The following ANKLE1 variants were observed in gnomAD, a reference collection of about 807,000 sequenced individuals.
The protein encoded by ANKLE1 is ankyrin repeat and LEM domain containing 1.
ANKLE1 carries 59 observed loss-of-function variants against 56.2 expected under a neutral mutation model. The ratio of observed to expected loss-of-function variants is 1.05; its 90% CI spans 0.85 to 1.30. The LOEUF (loss-of-function observed/expected upper bound fraction) is 1.30. Among genes scored for constraint, ANKLE1 ranks in the 50% most tolerant of loss-of-function variants. The pLI is 0.00. For synonymous variants in ANKLE1, 341 were observed against 352.9 expected, an observed-to-expected ratio of 0.97 and a Z score of 0.38; for missense variants, 771 against 816.1, an observed-to-expected ratio of 0.94 and a Z score of 0.67.
intron 6 of ANKLE1, 51 bp from the exon 7 acceptor site, chr19:17,285,380 T>G (rs2074019639): frequency 1.9e-6 from 3 of 1,607,880 alleles, no homozygotes; most frequent in Non-Finnish European, 2.5e-6. Flanking sequence ...GGACTGCCTC[T>G]GGGGACCACT....
chr19:17,284,276 GC>G lies in ANKLE1; in HGVS notation c.1376+11del. 2 of 1,608,914 alleles carry G rather than the reference GC, an allele frequency of 1.2e-6. No individual in the cohort carries two copies. The highest frequency in any genetic ancestry group is 1.7e-6 in the Non-Finnish European group (2 of 1,176,888). On this transcript the variant is annotated intron_variant, in intron 6 of 8. Transcript: ENST00000404085. The stretch of plus-strand genomic sequence containing the variant: ...TGCTGCTGGACCCCAGGTACTCAGG[GC>G]AGGAAAGCCCCAGAAATAGAAACTA...
Position 17,286,629 on chromosome 19 carries a change from A to C in ANKLE1, c.*77A>C. On this transcript the variant is annotated 3_prime_UTR_variant, in exon 9 of 9. Transcript: ENST00000404085. ...CTGCCCCATGCTGACAGCAGCCCCCATCTCTGGTTTCAGAAGGGGTGTGTG... is the reference window on the plus strand; with the variant it reads ...CTGCCCCATGCTGACAGCAGCCCCCCTCTCTGGTTTCAGAAGGGGTGTGTG... 1 of 1,532,400 alleles carries C rather than the reference A, an allele frequency of 6.5e-7. No individual in the cohort carries two copies. Among genetic ancestry groups the C allele is most frequent in the Non-Finnish European group, 8.8e-7 (1 of 1,141,392 alleles). The allele number at this position is 1,532,400 out of a possible 1,614,324, so 94.9% of individuals were successfully genotyped here.
At chr19:17,284,903 G>A (rs1445153157) in intron 6 of ANKLE1, among the ~76,000 whole-genome samples, 1 of 151,766 alleles carries the variant, frequency 6.6e-6, no homozygotes, top group Non-Finnish European at 1.5e-5. Context: ...TGGCCAGGCT[G>A]GTCTTGAGCT....
In ANKLE1 at chr19:17,282,870, C is replaced by G. The variant is rs761885042; in HGVS notation, c.328C>G (p.Leu110Val). The change falls in exon 4 of 9, where the codon CTC becomes GTC. Residue 110 changes from leucine (L) to valine (V), a missense_variant. By Grantham distance (32) the Leu-to-Val change is conservative. Coordinates refer to ENST00000404085, the MANE Select transcript of ANKLE1 (RefSeq NM_152363.6). ...ADPALRDQDG[L>V]RPLDLALQQG... is the part of the protein sequence containing the mutation. Reference sequence around the variant, plus strand: ...GCTGACCGCGCCCCTGTAGGACGGACTCCGGCCGCTGGACCTGGCCCTGCA... The same window carrying G: ...GCTGACCGCGCCCCTGTAGGACGGAGTCCGGCCGCTGGACCTGGCCCTGCA... 1 of 1,585,056 alleles carries G rather than the reference C, an allele frequency of 6.3e-7. No homozygotes were observed. Among genetic ancestry groups the G allele is most frequent in the Non-Finnish European group, 8.5e-7 (1 of 1,171,958 alleles).
In ANKLE1 at chr19:17,282,167, G is replaced by A; in HGVS notation, c.173G>A (p.Cys58Tyr). Reference protein sequence around the residue: ...AGARHPRGLRCLGALLRQGGD... With the variant: ...AGARHPRGLRYLGALLRQGGD... Reference sequence around the variant, plus strand: ...GCCCGGCACCCGCGCGGCCTGCGTTGCCTCGGGGCCCTACTGCGCCAAGGC... The same window carrying A: ...GCCCGGCACCCGCGCGGCCTGCGTTACCTCGGGGCCCTACTGCGCCAAGGC... The change falls in exon 2 of 9, where the codon TGC becomes TAC. Residue 58 changes from cysteine (C) to tyrosine (Y), a missense_variant. Cys to Tyr is a radical substitution (Grantham distance 194, BLOSUM62 -2). Coordinates refer to ENST00000404085, the MANE Select transcript of ANKLE1 (RefSeq NM_152363.6). 1 of 1,534,232 alleles carries A rather than the reference G, an allele frequency of 6.5e-7. No individual in the cohort carries two copies. The highest frequency in any genetic ancestry group is 2.5e-5 in the East Asian group (1 of 40,742).
chr19:17,284,162 A>G lies in ANKLE1; in HGVS notation c.1272A>G (p.Ala424=). ...CGGGCTGTATTCCAGATGTCCAGGC[A>G]GATGAAGACGCGCTGGCCCAGCAGT... The part of the protein sequence containing the change: ...LRTGCIPDVQ[A]DEDALAQQFE... The change falls in exon 6 of 9, where the codon GCA becomes GCG. Residue 424 remains alanine, a synonymous_variant. Coordinates refer to ENST00000404085, the MANE Select transcript of ANKLE1 (RefSeq NM_152363.6). The G allele has an allele frequency of 6.2e-7, 1 of 1,613,900 alleles. No homozygotes were observed. The highest frequency in any genetic ancestry group is 8.5e-7 in the Non-Finnish European group (1 of 1,179,884).
At chr19:17,285,336 C>G in intron 6 of ANKLE1, 95 bp from the exon 7 acceptor site, 2 of 1,470,002 alleles carry the variant, frequency 1.4e-6, no homozygotes, top group South Asian at 2.4e-5. Flanking sequence ...TCAGGAGTCA[C>G]TAGACATGGG....
rs943540365 is a variant in ANKLE1 at position 17,282,889 on chromosome 19, C to T, written c.347C>T (p.Ala116Val). The change falls in exon 4 of 9, where the codon GCC becomes GTC. Residue 116 changes from alanine to valine, a missense_variant. Physicochemically the swap from Ala to Val is moderately conservative, Grantham distance 64 (BLOSUM62 0). Transcript: ENST00000404085. ...DQDGLRPLDL[A>V]LQQGHLECAR... is the part of the protein sequence containing the mutation. ...GACGGACTCCGGCCGCTGGACCTGG[C>T]CCTGCAGCAGGGACACCTGGAGTGC... is the stretch of plus-strand genomic sequence containing the variant. The T allele has an allele frequency of 3.2e-6, 5 of 1,579,592 alleles. No individual in the cohort carries two copies. The highest frequency in any genetic ancestry group is 3.4e-6 in the Non-Finnish European group (4 of 1,168,910).
rs769612263 is a variant in ANKLE1 at position 17,284,010 on chromosome 19, C to T, written c.1198+48C>T. ...GAGTCCAGGGAGCCTCCAGGAATCT[C>T]CCGGAGAACCCCAGCTCTCAGCCCC... On this transcript the variant is annotated intron_variant, in intron 5 of 8. Transcript: ENST00000404085. 7.5e-6 allele frequency: 12 copies of T among 1,593,948 alleles called. No homozygotes were observed. In the South Asian group the frequency reaches 1.4e-4, roughly 18 times the overall value.
At chr19:17,286,280 G>A in intron 8 of ANKLE1, 100 bp from the exon 9 acceptor site, 1 of 1,445,958 alleles carries the variant, frequency 6.9e-7, no homozygotes. Flanking sequence ...GGGATTACAG[G>A]CGTGAGCCAC....
Position 17,283,928 on chromosome 19 carries a change from C to T in ANKLE1, c.1164C>T (p.Tyr388=). The change falls in exon 5 of 9, where the codon TAC becomes TAT. Residue 388 remains tyrosine, a synonymous_variant. Coordinates refer to ENST00000404085, the MANE Select transcript of ANKLE1 (RefSeq NM_152363.6). ...TCACACCCTTCACCAGGCAGTTGTA[C>T]CACCAGCAGCTGGAAGAAGCCCAGA... ...HPITPFTRQL[Y]HQQLEEAQIA... 2 of 1,609,106 alleles carry T rather than the reference C, an allele frequency of 1.2e-6. No homozygotes were observed. Among genetic ancestry groups the T allele is most frequent in the South Asian group, 2.2e-5 (2 of 90,848 alleles).
At position 17,285,424 on chromosome 19, in the gene ANKLE1, C is replaced by A. The variant is rs1375700782; in HGVS notation, c.1377-7C>A. On this transcript the variant is annotated splice_polypyrimidine_tract_variant and splice_region_variant and intron_variant, in intron 6 of 8. Coordinates refer to ENST00000404085, the MANE Select transcript of ANKLE1 (RefSeq NM_152363.6). The stretch of plus-strand genomic sequence containing the variant: ...TTTTCCCTGTCTGAGCTATCCCCTT[C>A]ATCCAGGGAGACTCAGGACCTGCCA... The A allele has an allele frequency of 5.6e-6, 9 of 1,613,600 alleles. No homozygotes were observed. The highest frequency in any genetic ancestry group is 1.3e-5 in the African/African-American group (1 of 75,058).
chr19:17,286,020 C>A (rs969760151), intron 8 of ANKLE1, among the ~76,000 whole-genome samples: 2 of 152,102 alleles, frequency 1.3e-5, no homozygotes, highest in Non-Finnish European at 2.9e-5. Flanking sequence ...CTGTCACATA[C>A]TTTTTTGTGT....
At chr19:17,285,933 C>A in intron 8 of ANKLE1, 114 bp downstream of exon 8, 3 of 1,419,260 alleles carry the variant, frequency 2.1e-6, no homozygotes, top group Non-Finnish European at 2.9e-6. Flanking sequence ...TTATTGAGCA[C>A]CAACTTTGAA....
chr19:17,287,305 C>T lies in ANKLE1; in HGVS notation c.*753C>T. The T allele has an allele frequency of 6.6e-6, 1 of 152,202 alleles. No homozygotes were observed. The allele number at this position is 152,202 out of a possible 1,614,324, so 9.4% of individuals were successfully genotyped here. On this transcript the variant is annotated 3_prime_UTR_variant, in exon 9 of 9. Transcript: ENST00000404085. ...AATTAGCTGGGCATGGTGGCGCGTG[C>T]CTGTAATCCCAGCTACTAGGGGGGC...
chr19:17,283,709 T>G lies in ANKLE1; in HGVS notation c.945T>G (p.Ser315=). The G allele has an allele frequency of 6.2e-7, 1 of 1,613,664 alleles. No homozygotes were observed. The highest frequency in any genetic ancestry group is 8.5e-7 in the Non-Finnish European group (1 of 1,179,876). The part of the protein sequence containing the change: ...SPPRTPTPGA[S]DCHCLWEHQT... ...CACGGACACCAACCCCTGGAGCTTC[T>G]GACTGCCACTGCCTGTGGGAGCACC... Residue 315 remains serine (S), a synonymous_variant, in exon 5 of 9, where the codon TCT becomes TCG. Coordinates refer to ENST00000404085, the MANE Select transcript of ANKLE1 (RefSeq NM_152363.6).
chr19:17,283,468 C>T lies in ANKLE1; in HGVS notation c.704C>T (p.Ser235Leu), dbSNP rs375589426. The change falls in exon 5 of 9, where the codon TCG (serine) becomes TTG (leucine). Residue 235 changes from serine (S) to leucine (L), a missense_variant. Physicochemically the swap from Ser to Leu is moderately radical, Grantham distance 145. Transcript: ENST00000404085. ...VEVSGAEDPA[S>L]DTPPWAGSLP... ...GTCTCTGGAGCTGAGGACCCAGCCT[C>T]GGACACTCCCCCCTGGGCTGGGTCA... is the stretch of plus-strand genomic sequence containing the variant. The T allele has an allele frequency of 1.2e-5, 19 of 1,612,906 alleles. No individual in the cohort carries two copies. Among genetic ancestry groups the T allele is most frequent in the African/African-American group, 2.7e-5 (2 of 74,916 alleles).
chr19:17,286,431 C>A lies in ANKLE1; in HGVS notation c.1727C>A (p.Ala576Glu). 1 of 1,609,796 alleles carries A rather than the reference C, an allele frequency of 6.2e-7. No individual in the cohort carries two copies. Among genetic ancestry groups the A allele is most frequent in the Non-Finnish European group, 8.5e-7 (1 of 1,178,164 alleles). Residue 576 changes from alanine to glutamate, a missense_variant, in exon 9 of 9, where the codon GCA becomes GAA. By Grantham distance (107) the Ala-to-Glu change is moderately radical. Coordinates refer to ENST00000404085, the MANE Select transcript of ANKLE1 (RefSeq NM_152363.6). ...CAAGGGCACTGCTATGGAGTGGTGG[C>A]AGGCTGGCCACCTGCTCGTCGCCGG... ...QKQGHCYGVV[A>E]GWPPARRRRL...
intron 6 of ANKLE1, among the ~76,000 whole-genome samples, chr19:17,284,989 G>T (rs755711033): frequency 6.6e-6 from 1 of 151,922 alleles, no homozygotes; most frequent in Non-Finnish European, 1.5e-5. Flanking sequence ...GCTGGCCATG[G>T]TGGCTCACGC....
Sources: gnomAD v4.1 joint callset for allele counts (sites outside exome capture counted in the v4.1 genomes callset) on GRCh38, gnomAD v4.1.1 for gene constraint, MANE v1.5 for transcripts, NCBI Gene and HGNC (gene_info 2026-07-23, HGNC 2026-07-21) for gene names.